The following ACTN1 variants were observed in gnomAD, a reference collection of about 807,000 sequenced individuals.
ACTN1 encodes the protein actinin alpha 1.
A neutral mutation model predicts 119.6 loss-of-function variants in ACTN1; 30 were observed. That is an observed-to-expected ratio of 0.25 (90% CI 0.19 to 0.34). ACTN1 has a LOEUF of 0.34. ACTN1 is among the 10% of genes least tolerant of loss of function. ACTN1 has a pLI of 1.00. For synonymous variants in ACTN1, 429 were observed against 472.6 expected (o/e 0.91, Z 1.20); for missense variants, 764 against 1,223.4 (o/e 0.62, Z 5.60).
At chr14:68,902,238 G>T (rs750417548) in intron 8 of ACTN1, among the ~76,000 whole-genome samples, 2 of 152,216 alleles carry the variant, frequency 1.3e-5, no homozygotes, top group Non-Finnish European at 2.9e-5. Flanking sequence ...CTGGGTCCCA[G>T]AAAGTGAGCT....
chr14:68,933,279 A>G (rs10220562), intron 1 of ACTN1, among the ~76,000 whole-genome samples: 19,431 of 151,976 alleles, frequency 0.13, 1,799 homozygotes, highest in African/African-American at 0.25. Context: ...GATTACAGGC[A>G]AGCACCACCA....
rs537360267 is a variant in ACTN1 at position 68,937,008 on chromosome 14, C to T, written c.106-11336G>A. On this transcript the variant is annotated intron_variant, in intron 1 of 21. Coordinates refer to ENST00000394419, the MANE Select transcript of ACTN1 (RefSeq NM_001130004.2). ...TCCAGGGTCTTTTGAGAGTTTTCTC[C>T]CCTAACCATTTCAACTTTTTTGGAT... is the stretch of plus-strand genomic sequence containing the variant. 2.1e-4 allele frequency: 68 copies of T among 319,596 alleles called. No individual in the cohort carries two copies. The East Asian group carries it at 3.6e-3, about 17-fold the overall frequency. 19.8% of individuals were successfully genotyped at this position (319,596 alleles called of 1,614,324 possible). A position where few individuals can be genotyped will look rare whatever the true frequency, so the allele number is the denominator to read the frequency against.
At chr14:68,944,967 T>C (rs2035889567) in intron 1 of ACTN1, among the ~76,000 whole-genome samples, 1 of 151,200 alleles carries the variant, frequency 6.6e-6, no homozygotes. Context: ...CCTACGCGTG[T>C]GTGGGGCTGG....
chr14:68,907,293 G>T (rs2033724357), intron 6 of ACTN1, among the ~76,000 whole-genome samples: 1 of 146,674 alleles, frequency 6.8e-6, no homozygotes, highest in Non-Finnish European at 1.5e-5. Flanking sequence ...GCTGGGCATG[G>T]TGGGTCACGC....
At chr14:68,973,092 C>A (rs1457108086) in intron 1 of ACTN1, among the ~76,000 whole-genome samples, 2 of 152,130 alleles carry the variant, frequency 1.3e-5, no homozygotes, top group Non-Finnish European at 2.9e-5. Context: ...CGCCAGATAA[C>A]CCCCTGGTAC....
intron 1 of ACTN1, among the ~76,000 whole-genome samples, chr14:68,956,613 G>C (rs1054745316): frequency 6.6e-6 from 1 of 152,136 alleles, no homozygotes; most frequent in African/African-American, 2.4e-5. Flanking sequence ...TTGGGTAGCA[G>C]AGGGTGGACA....
In ACTN1 at chr14:68,885,835, G is replaced by C; in HGVS notation, c.1235-260C>G. ...ACGCAGGAAGGCTATGCAGGAGTCTGTGGGAATGCATAGGGCATGACGCTA... is the reference window on the plus strand; with the variant it reads ...ACGCAGGAAGGCTATGCAGGAGTCTCTGGGAATGCATAGGGCATGACGCTA... On this transcript the variant is annotated intron_variant, in intron 11 of 21. Transcript: ENST00000394419. The surrounding 1 kb of genome is among the most constrained non-coding windows in gnomAD (Gnocchi z 5.6). The C allele has an allele frequency of 2.1e-6, 1 of 478,906 alleles. No homozygotes were observed. The highest frequency in any genetic ancestry group is 3.8e-6 in the Non-Finnish European group (1 of 261,434). 29.7% of individuals were successfully genotyped at this position (478,906 alleles called of 1,614,324 possible).
chr14:68,907,598 C>T (rs970693963), intron 6 of ACTN1, among the ~76,000 whole-genome samples: 1 of 151,984 alleles, frequency 6.6e-6, no homozygotes, highest in African/African-American at 2.4e-5. Flanking sequence ...CAAAAAAACA[C>T]AGAAGGAGAG....
At chr14:68,910,666 G>A (rs551428195) in intron 4 of ACTN1, among the ~76,000 whole-genome samples, 1 of 146,108 alleles carries the variant, frequency 6.8e-6, no homozygotes, top group East Asian at 2.4e-4. Flanking sequence ...CCCCCTGCTA[G>A]GTTTGTGCTG....
intron 11 of ACTN1, chr14:68,886,660 G>A (rs1324013718): frequency 6.6e-6 from 1 of 152,302 alleles, no homozygotes; most frequent in Admixed American, 6.5e-5. Flanking sequence ...TGGGCGTGGT[G>A]GCGCATGCCT....
intron 1 of ACTN1, among the ~76,000 whole-genome samples, chr14:68,960,329 C>G (rs2036487766): frequency 6.6e-6 from 1 of 152,146 alleles, no homozygotes; most frequent in Non-Finnish European, 1.5e-5. Context: ...GCTAAGACAG[C>G]AGATCTTAGT....
chr14:68,975,463 C>CA (rs1222770125), intron 1 of ACTN1, among the ~76,000 whole-genome samples: 1 of 152,168 alleles, frequency 6.6e-6, no homozygotes, highest in Non-Finnish European at 1.5e-5. Context: ...ATTGGAGACT[C>CA]AGAGAGGAAC....
intron 1 of ACTN1, among the ~76,000 whole-genome samples, chr14:68,969,634 C>T (rs1169372893): frequency 1.3e-5 from 2 of 152,200 alleles, no homozygotes; most frequent in African/African-American, 4.8e-5. Flanking sequence ...GGCACCCCTG[C>T]TCACAGACCC....
At chr14:68,928,517 C>T (rs945249693) in intron 1 of ACTN1, among the ~76,000 whole-genome samples, 9 of 152,212 alleles carry the variant, frequency 5.9e-5, no homozygotes, top group Non-Finnish European at 7.4e-5. Flanking sequence ...CACTTCGGGA[C>T]GCATCAGAGC....
intron 1 of ACTN1, among the ~76,000 whole-genome samples, chr14:68,959,865 A>G (rs1197052855): frequency 6.6e-6 from 1 of 152,236 alleles, no homozygotes; most frequent in Non-Finnish European, 1.5e-5. Context: ...AAATCCACAT[A>G]TAACTGACTC....
At chr14:68,932,953 C>T (rs962272810) in intron 1 of ACTN1, among the ~76,000 whole-genome samples, 2 of 152,090 alleles carry the variant, frequency 1.3e-5, no homozygotes, top group Admixed American at 1.3e-4. Context: ...GCAGCTAATA[C>T]GTATTGACCA....
chr14:68,951,003 C>T (rs1350472974), intron 1 of ACTN1, among the ~76,000 whole-genome samples: 1 of 152,234 alleles, frequency 6.6e-6, no homozygotes, highest in East Asian at 1.9e-4. Flanking sequence ...CCCTCCTTGC[C>T]ACCAGCACCA....
In ACTN1 at chr14:68,879,103, C is replaced by A; in HGVS notation, c.2281-34G>T. On this transcript the variant is annotated intron_variant, in intron 18 of 21. Coordinates refer to ENST00000394419, the MANE Select transcript of ACTN1 (RefSeq NM_001130004.2). This position sits in a 1 kb window ranked among gnomAD's most constrained non-coding sequence, Gnocchi z 4.9. ...GCGGTGCGCCAGGCAGCGAGCCATG[C>A]GGTGTCAGGGAGGTGGAGCCGTGAG... 4 of 1,493,640 alleles carry A rather than the reference C, an allele frequency of 2.7e-6. No individual in the cohort carries two copies. Among genetic ancestry groups the A allele is most frequent in the Non-Finnish European group, 3.6e-6 (4 of 1,108,002 alleles). The allele number at this position is 1,493,640 out of a possible 1,614,324, so 92.5% of individuals were successfully genotyped here. A position where few individuals can be genotyped will look rare whatever the true frequency, so the allele number is the denominator to read the frequency against.
chr14:68,907,777 C>T (rs542880272), intron 6 of ACTN1, among the ~76,000 whole-genome samples: 6 of 152,180 alleles, frequency 3.9e-5, no homozygotes, highest in Admixed American at 2.0e-4. Context: ...TCTAGAGCCA[C>T]GGTCGGCACA....
Sources: allele counts gnomAD v4.1 joint callset (sites outside exome capture counted in the v4.1 genomes callset), GRCh38; gene constraint gnomAD v4.1.1; non-coding constraint Gnocchi (gnomAD v3.1); transcripts MANE v1.5; gene names NCBI Gene and HGNC (gene_info 2026-07-23, HGNC 2026-07-21).